The following CSMD1 variants were observed in gnomAD, a reference collection of about 807,000 sequenced individuals.
The protein encoded by CSMD1 is CUB and sushi domain-containing protein 1.
In CSMD1, 213 loss-of-function variants were observed where a neutral mutation model predicts 417.5. That is an observed-to-expected ratio of 0.51 (90% CI 0.46 to 0.57). The LOEUF (loss-of-function observed/expected upper bound fraction) is 0.57, where lower values mean the gene tolerates loss of function less well. Among genes scored for constraint, CSMD1 ranks in the 20% least tolerant of loss-of-function variants. The pLI is 0.00. For synonymous variants in CSMD1, 2,862 were observed against 1,736.8 expected (o/e 1.65, Z -16.11); for missense variants, 6,923 against 4,529.7 (o/e 1.53, Z -15.17).
At chr8:4,646,091 G>A (rs767871857) in intron 1 of CSMD1, among the ~76,000 whole-genome samples, 1 of 152,098 alleles carries the variant, frequency 6.6e-6, no homozygotes, top group Non-Finnish European at 1.5e-5. Flanking sequence ...CTGAGTCTTC[G>A]CTTCAGAGAC....
chr8:4,956,335 T>A (rs371632464), intron 1 of CSMD1, among the ~76,000 whole-genome samples: 2 of 151,492 alleles, frequency 1.3e-5, no homozygotes, highest in Admixed American at 6.6e-5. Context: ...ATAATTAACA[T>A]CCACTATAAA....
At chr8:4,469,763 G>A (rs185054327) in intron 2 of CSMD1, among the ~76,000 whole-genome samples, 1 of 152,086 alleles carries the variant, frequency 6.6e-6, no homozygotes, top group Non-Finnish European at 1.5e-5. Context: ...GGAGCCCTTG[G>A]AATATGCCAG....
chr8:2,964,616 A>C (rs61503094), intron 59 of CSMD1, among the ~76,000 whole-genome samples: 4,213 of 152,326 alleles, frequency 0.028, 188 homozygotes, highest in African/African-American at 0.094. Flanking sequence ...TTTTATTGGC[A>C]ATTTCCATCA....
chr8:4,849,573 C>A (rs1032735990), intron 1 of CSMD1, among the ~76,000 whole-genome samples: 3 of 152,102 alleles, frequency 2.0e-5, no homozygotes, highest in African/African-American at 7.2e-5. Flanking sequence ...ACAGGTGTAG[C>A]ATTTTTCATC....
intron 5 of CSMD1, among the ~76,000 whole-genome samples, chr8:3,792,943 T>C (rs1799831255): frequency 6.6e-6 from 1 of 152,196 alleles, no homozygotes; most frequent in Non-Finnish European, 1.5e-5. Context: ...TATTTTCAGA[T>C]GCACAACTGC....
chr8:3,937,972 G>A (rs779738836), intron 5 of CSMD1, among the ~76,000 whole-genome samples: 2 of 152,060 alleles, frequency 1.3e-5, no homozygotes, highest in Non-Finnish European at 2.9e-5. Context: ...ACCATATTAA[G>A]TTATATCACA....
intron 1 of CSMD1, among the ~76,000 whole-genome samples, chr8:4,700,494 A>C (rs762186439): frequency 4.6e-5 from 7 of 152,140 alleles, no homozygotes; most frequent in Non-Finnish European, 1.0e-4. Flanking sequence ...AAAACTATAA[A>C]ACTATGCATG....
At chr8:4,909,853 T>C (rs1472461549) in intron 1 of CSMD1, among the ~76,000 whole-genome samples, 2 of 152,216 alleles carry the variant, frequency 1.3e-5, no homozygotes, top group African/African-American at 2.4e-5. Context: ...CTCAGTTCTC[T>C]GATGGGTTCA....
chr8:3,032,258 A>G (rs1339648126), intron 50 of CSMD1, among the ~76,000 whole-genome samples: 2 of 150,674 alleles, frequency 1.3e-5, no homozygotes, highest in African/African-American at 2.5e-5. Flanking sequence ...TAGAGAACAT[A>G]CAAAAAAAAC....
intron 1 of CSMD1, among the ~76,000 whole-genome samples, chr8:4,870,409 A>AT (rs888078767): frequency 6.6e-6 from 1 of 152,134 alleles, no homozygotes; most frequent in African/African-American, 2.4e-5. Flanking sequence ...CTAGACCTCA[A>AT]TTTTCTTAAA....
chr8:3,797,161 AT>A (rs573723280), intron 5 of CSMD1, among the ~76,000 whole-genome samples: 103 of 152,102 alleles, frequency 6.8e-4, no homozygotes, highest in African/African-American at 2.4e-3. Context: ...TAATAATTGA[AT>A]TTCAAAGTCT....
At chr8:4,731,680 G>A (rs1003447048) in intron 1 of CSMD1, among the ~76,000 whole-genome samples, 2 of 152,152 alleles carry the variant, frequency 1.3e-5, no homozygotes, top group African/African-American at 4.8e-5. Context: ...GGAAACTGAA[G>A]ACTAGCACTG....
intron 10 of CSMD1, among the ~76,000 whole-genome samples, chr8:3,532,104 A>T (rs1213086607): frequency 6.6e-6 from 1 of 152,150 alleles, no homozygotes; most frequent in Admixed American, 6.5e-5. Context: ...CCACTTTGAG[A>T]TGGCAACATT....
intron 5 of CSMD1, among the ~76,000 whole-genome samples, chr8:3,781,746 A>G (rs916201080): frequency 3.3e-5 from 5 of 152,176 alleles, no homozygotes; most frequent in African/African-American, 9.7e-5. Context: ...GCCCCTGACA[A>G]TCTGATAGAG....
At chr8:3,018,419 T>C in intron 52 of CSMD1, 58 bp downstream of exon 52, 1 of 1,518,394 alleles carries the variant, frequency 6.6e-7, no homozygotes, top group South Asian at 1.2e-5. Context: ...TACACAGCTG[T>C]AATCTATTTC....
intron 2 of CSMD1, among the ~76,000 whole-genome samples, chr8:4,448,011 A>C (rs1290053477): frequency 6.6e-6 from 1 of 152,182 alleles, no homozygotes; most frequent in African/African-American, 2.4e-5. Context: ...CAGGTGGTAA[A>C]ACTAAAAAAC....
At chr8:4,016,555 G>C (rs914807820) in intron 4 of CSMD1, among the ~76,000 whole-genome samples, 3 of 152,124 alleles carry the variant, frequency 2.0e-5, no homozygotes, top group African/African-American at 7.2e-5. Flanking sequence ...GAGGAGAAAA[G>C]ATGAAGATTC....
At chr8:4,827,867 T>C (rs923764926) in intron 1 of CSMD1, among the ~76,000 whole-genome samples, 1 of 152,206 alleles carries the variant, frequency 6.6e-6, no homozygotes, top group African/African-American at 2.4e-5. Flanking sequence ...CCCTTTACCA[T>C]TTTAATCTTT....
At chr8:3,673,562 C>A (rs1799199448) in intron 7 of CSMD1, among the ~76,000 whole-genome samples, 1 of 152,180 alleles carries the variant, frequency 6.6e-6, no homozygotes, top group Admixed American at 6.6e-5. Context: ...AGAGCCTACC[C>A]TCTCAGTATG....
Sources: gnomAD v4.1 joint callset for allele counts (sites outside exome capture counted in the v4.1 genomes callset) on GRCh38, gnomAD v4.1.1 for gene constraint, MANE v1.5 for transcripts, NCBI Gene and HGNC (gene_info 2026-07-23, HGNC 2026-07-21) for gene names.